RRN3: variants seen among roughly 807,000 people sequenced by gnomAD.
The protein encoded by RRN3 is RNA polymerase I transcription factor RRN3, also known as RNA polymerase I-specific transcription initiation factor RRN3.
Under a neutral mutation model 82.3 loss-of-function variants are expected in RRN3, and 38 were observed. The ratio of observed to expected loss-of-function variants is 0.46; its 90% CI spans 0.36 to 0.61. The LOEUF (loss-of-function observed/expected upper bound fraction) is 0.61. RRN3 is among the 20% of genes least tolerant of loss of function. RRN3 has a pLI of 0.00. For synonymous variants in RRN3, 284 were observed against 284.3 expected (o/e 1.00, Z 0.01); for missense variants, 726 against 793.1 (o/e 0.92, Z 1.02).
Position 15,061,856 on chromosome 16 carries a change from T to A in RRN3, c.1844A>T (p.Gln615Leu), listed in dbSNP as rs1484097090. ...TGTGATCCCAATCACGGTATCATTC[T>A]GGGGCACTTCGCCTTTCAGAAAGTC... Reference protein sequence around the residue: ...DDDFLKGEVPQNDTVIGITPS... With the variant: ...DDDFLKGEVPLNDTVIGITPS... Residue 615 changes from glutamine (Q) to leucine (L), a missense_variant, in exon 18 of 18, where the codon CAG becomes CTG. Coordinates refer to ENST00000198767, the MANE Select transcript of RRN3 (RefSeq NM_018427.5). 1 of 1,613,846 alleles carries A rather than the reference T, an allele frequency of 6.2e-7. No individual in the cohort carries two copies. The highest frequency in any genetic ancestry group is 1.1e-5 in the South Asian group (1 of 91,076).
At chr16:15,076,376 T>A (rs1034234698) in intron 10 of RRN3, 182 bp downstream of exon 10, 22 of 615,332 alleles carry the variant, frequency 3.6e-5, no homozygotes, top group Non-Finnish European at 5.3e-5. Context: ...GCCTTGGAAA[T>A]AGACCAACTA....
Position 15,061,685 on chromosome 16 carries a change from A to G in RRN3, c.*59T>C. 1 of 1,522,022 alleles carries G rather than the reference A, an allele frequency of 6.6e-7. No individual in the cohort carries two copies. The highest frequency in any genetic ancestry group is 9.0e-7 in the Non-Finnish European group (1 of 1,106,252). The allele number at this position is 1,522,022 out of a possible 1,614,324, so 94.3% of individuals were successfully genotyped here. A position where few individuals can be genotyped will look rare whatever the true frequency, so the allele number is the denominator to read the frequency against. ...GCCCAATGGCACAAGCTGGGTGCTG[A>G]GGGCATGACAAGTGATGGGGAATCC... On this transcript the variant is annotated 3_prime_UTR_variant, in exon 18 of 18. Coordinates refer to ENST00000198767, the MANE Select transcript of RRN3 (RefSeq NM_018427.5).
chr16:15,086,201 C>T lies in RRN3; in HGVS notation c.400G>A (p.Gly134Ser), dbSNP rs745324800. 8 of 1,587,688 alleles carry T rather than the reference C, an allele frequency of 5.0e-6. No individual in the cohort carries two copies. In the Admixed American group the frequency reaches 6.8e-5, roughly 14 times the overall value. ...ACAGTCTGTGCTGATACAAGATTAC[C>T]AAGAAAAGCCAAATACTCTTCCACT... ...TVVEEYLAFL[G>S]NLVSAQTVFL... The change falls in exon 5 of 18, where the codon GGT becomes AGT. Residue 134 changes from glycine to serine, a missense_variant. Transcript: ENST00000198767.
chr16:15,067,708 CAAAGTATA>C (rs984935905), intron 15 of RRN3, among the ~76,000 whole-genome samples: 3 of 151,922 alleles, frequency 2.0e-5, no homozygotes, highest in African/African-American at 4.8e-5. Flanking sequence ...CCAACGCCAT[CAAAGTATA>C]AAAACAATAG....
chr16:15,069,664 T>G (rs1223325062), intron 14 of RRN3, among the ~76,000 whole-genome samples: 1 of 152,188 alleles, frequency 6.6e-6, no homozygotes, highest in Non-Finnish European at 1.5e-5. Context: ...GACTTTCCTG[T>G]GCTTTAGTGC....
rs1340868563 is a variant in RRN3, at chr16:15,071,213, T to G, written c.1167A>C (p.Lys389Asn). Residue 389 changes from lysine (K) to asparagine (N), a missense_variant, in exon 13 of 18, where the codon AAA (lysine) becomes AAC (asparagine). This residue lies in a region of RRN3 where 344 missense variants were observed against 394.5 expected (regional missense o/e 0.87). Transcript: ENST00000198767. Reference sequence around the variant, plus strand: ...TGGCAGGATTACTTGGGTCCTGCAATTTTTTCCAGAGATGTTCCAAAAATG... The same window carrying G: ...TGGCAGGATTACTTGGGTCCTGCAAGTTTTTCCAGAGATGTTCCAAAAATG... ...AEAFLEHLWK[K>N]LQDPSNPAII... is the part of the protein sequence containing the mutation. The G allele has an allele frequency of 2.5e-6, 4 of 1,610,774 alleles. No homozygotes were observed. The highest frequency in any genetic ancestry group is 3.3e-5 in the Admixed American group (2 of 59,774).
chr16:15,082,954 A>G (rs948732547), intron 8 of RRN3, among the ~76,000 whole-genome samples: 2 of 152,230 alleles, frequency 1.3e-5, no homozygotes, highest in African/African-American at 4.8e-5. Context: ...TAAAGCCACT[A>G]CAGATATTCC....
At chr16:15,070,499 C>A (rs962845993) in intron 13 of RRN3, among the ~76,000 whole-genome samples, 1 of 151,956 alleles carries the variant, frequency 6.6e-6, no homozygotes, top group African/African-American at 2.4e-5. Flanking sequence ...CCCCTAAGAA[C>A]GTCCCAAGGG....
At chr16:15,067,156 C>T (rs1380638091) in intron 15 of RRN3, among the ~76,000 whole-genome samples, 1 of 151,514 alleles carries the variant, frequency 6.6e-6, no homozygotes, top group Non-Finnish European at 1.5e-5. Context: ...TTGAACCAGA[C>T]GCCTAGCAAA....
chr16:15,067,418 C>G lies in RRN3; in HGVS notation c.1553+751G>C. 2.5e-5 allele frequency among the ~76,000 whole-genome samples: 2 copies of G among 80,228 alleles called. 1 individual carries two copies. Among genetic ancestry groups the G allele is most frequent in the South Asian group, 8.6e-4 (2 of 2,322 alleles). 52.6% of individuals were successfully genotyped at this position (80,228 alleles called of 152,430 possible). ...GTACCTCCACCTCCCTGTTGATAAA[C>G]AGGGTTTCATCCTAGAGGATCAAAT... On this transcript the variant is annotated intron_variant, in intron 15 of 17. Coordinates refer to ENST00000198767, the MANE Select transcript of RRN3 (RefSeq NM_018427.5).
intron 16 of RRN3, among the ~76,000 whole-genome samples, chr16:15,063,501 G>T (rs1289474183): frequency 6.6e-6 from 1 of 151,982 alleles, no homozygotes; most frequent in African/African-American, 2.4e-5. Context: ...GAGGTCAGGA[G>T]ATCGAGACCA....
At position 15,076,592 on chromosome 16, in the gene RRN3, C is replaced by G; in HGVS notation, c.824G>C (p.Gly275Ala). Residue 275 changes from glycine to alanine, a missense_variant, in exon 10 of 18, where the codon GGT becomes GCT. This residue lies in a region of RRN3 where 344 missense variants were observed against 394.5 expected (regional missense o/e 0.87). Coordinates refer to ENST00000198767, the MANE Select transcript of RRN3 (RefSeq NM_018427.5). ...DAEETATQTC[G>A]GTDSTEGLFN... ...CAATCCTTCCGTGGAATCTGTCCCA[C>G]CACAAGTTTGAGTTGCTGTTTCTTC... 6.2e-7 allele frequency: 1 copy of G among 1,613,366 alleles called. No individual in the cohort carries two copies. Among genetic ancestry groups the G allele is most frequent in the Non-Finnish European group, 8.5e-7 (1 of 1,179,330 alleles).
chr16:15,084,831 C>A (rs8061051), intron 6 of RRN3, 126 bp from the exon 7 acceptor site: 460,988 of 695,828 alleles, frequency 0.66, 158,175 homozygotes, highest in Admixed American at 0.72. Flanking sequence ...TTTGGGAGGC[C>A]GAGGTGGGTG....
intron 15 of RRN3, 56 bp from the exon 16 acceptor site, chr16:15,065,427 TG>T (rs1412387542): frequency 6.5e-7 from 1 of 1,527,756 alleles, no homozygotes; most frequent in African/African-American, 1.4e-5. Context: ...AGTGACTCGG[TG>T]CAGATGTGAG....
chr16:15,070,780 T>C (rs1475699589), intron 13 of RRN3, among the ~76,000 whole-genome samples: 1 of 151,884 alleles, frequency 6.6e-6, no homozygotes, highest in African/African-American at 2.4e-5. Flanking sequence ...TTCTTCAGCT[T>C]TAACAGATAC....
intron 14 of RRN3, among the ~76,000 whole-genome samples, chr16:15,068,678 T>C (rs560470635): frequency 2.0e-5 from 3 of 152,354 alleles, no homozygotes; most frequent in Non-Finnish European, 4.4e-5. Context: ...TTGCATGTCT[T>C]GTTAGTGAAG....
chr16:15,074,927 C>G, intron 10 of RRN3, 66 bp from the exon 11 acceptor site: 1 of 1,449,564 alleles, frequency 6.9e-7, no homozygotes, highest in Non-Finnish European at 9.4e-7. Flanking sequence ...AGTAGGAAAA[C>G]TGTCATAAGT....
At chr16:15,065,159 C>G (rs1246427552) in intron 16 of RRN3, 60 bp downstream of exon 16, 17 of 1,498,012 alleles carry the variant, frequency 1.1e-5, no homozygotes, top group Non-Finnish European at 1.5e-5. Context: ...GAGTGAGACT[C>G]CGTCTCAAAA....
At chr16:15,090,439 T>C (rs1037140318) in intron 3 of RRN3, among the ~76,000 whole-genome samples, 2 of 152,222 alleles carry the variant, frequency 1.3e-5, no homozygotes, top group African/African-American at 2.4e-5. Context: ...AGTATTTCCA[T>C]GTTTAAAGCC....
Sources: allele counts gnomAD v4.1 joint callset (sites outside exome capture counted in the v4.1 genomes callset), GRCh38; gene constraint gnomAD v4.1.1; regional missense constraint gnomAD v4.1.1; transcripts MANE v1.5; gene names NCBI Gene and HGNC (gene_info 2026-07-23, HGNC 2026-07-21).